MYO9A: variants seen among roughly 807,000 people sequenced by gnomAD.
The protein encoded by MYO9A is unconventional myosin-IXa.
Under a neutral mutation model 293.3 loss-of-function variants are expected in MYO9A, and 103 were observed. The ratio of observed to expected loss-of-function variants is 0.35; its 90% CI spans 0.30 to 0.41. The LOEUF (loss-of-function observed/expected upper bound fraction) is 0.41, where lower values mean the gene tolerates loss of function less well. MYO9A is among the 10% of genes least tolerant of loss of function. The pLI is 1.00. For synonymous variants in MYO9A, 1,001 were observed against 1,035.7 expected (o/e 0.97, Z 0.64); for missense variants, 2,685 against 3,033.0 (o/e 0.89, Z 2.69).
chr15:71,939,595 AC>A (rs1323064629), intron 15 of MYO9A, among the ~76,000 whole-genome samples: 1 of 152,202 alleles, frequency 6.6e-6, no homozygotes, highest in Non-Finnish European at 1.5e-5. Context: ...TTTTAGCCAT[AC>A]ATTTCTGACA....
intron 12 of MYO9A, among the ~76,000 whole-genome samples, chr15:71,977,458 A>T (rs1285516965): frequency 6.6e-6 from 1 of 152,128 alleles, no homozygotes; most frequent in Admixed American, 6.5e-5. Flanking sequence ...GCTGGTCTCG[A>T]ACTCCTGGCC....
intron 2 of MYO9A, among the ~76,000 whole-genome samples, chr15:72,039,376 AG>A (rs1457459106): frequency 1.3e-5 from 2 of 152,188 alleles, no homozygotes; most frequent in African/African-American, 4.8e-5. Flanking sequence ...ACAAACTTTA[AG>A]GAAAAAAATT....
In MYO9A at chr15:72,117,725, G is replaced by T. The variant is rs1357567623; in HGVS notation, c.-117C>A. The T allele has an allele frequency of 2.5e-6, 1 of 397,314 alleles. No individual in the cohort carries two copies. The highest frequency in any genetic ancestry group is 4.4e-6 in the Non-Finnish European group (1 of 225,114). The allele number at this position is 397,314 out of a possible 1,614,324, so 24.6% of individuals were successfully genotyped here. A position where few individuals can be genotyped will look rare whatever the true frequency, so the allele number is the denominator to read the frequency against. On this transcript the variant is annotated 5_prime_UTR_variant, in exon 1 of 42. Coordinates refer to ENST00000356056, the MANE Select transcript of MYO9A (RefSeq NM_006901.4). ...CCACCGCAGCCCCCTCCTCTTCGAC[G>T]GAAGCTGCCTTCCACCCTCCGCCCC...
chr15:71,835,676 A>G (rs139491917), intron 39 of MYO9A, among the ~76,000 whole-genome samples: 1,930 of 152,256 alleles, frequency 0.013, 56 homozygotes, highest in Admixed American at 0.057. Context: ...AAAAATCAGT[A>G]TCGTAAAAAT....
At chr15:71,860,969 CAAAAAAAAAAAAAAA>C (rs61030744) in intron 33 of MYO9A, among the ~76,000 whole-genome samples, 1 of 32,438 alleles carries the variant, frequency 3.1e-5, no homozygotes, top group Non-Finnish European at 5.9e-5. Context: ...TCCATCTCAC[CAAAAAAAAAAAAAAA>C]AAAAAAAAAA....
chr15:71,924,017 T>C (rs2058223531), intron 18 of MYO9A, among the ~76,000 whole-genome samples: 1 of 152,130 alleles, frequency 6.6e-6, no homozygotes, highest in Non-Finnish European at 1.5e-5. Flanking sequence ...GCTTTTGCTG[T>C]AGACCATAGG....
chr15:72,014,739 GAGAA>G (rs1566950313), intron 6 of MYO9A, among the ~76,000 whole-genome samples: 2 of 143,284 alleles, frequency 1.4e-5, no homozygotes, highest in African/African-American at 5.4e-5. Context: ...GAGAGAGAGA[GAGAA>G]AGAAAGGAAA....
rs1254753415 is a variant in MYO9A, at chr15:71,897,528, C to T, written c.4975G>A (p.Asp1659Asn). The part of the protein sequence containing the change: ...PTQSYSHNSD[D>N]LSREGNARPI... ...CTAGCATTTCCCTCTCTGGAAAGGT[C>T]ATCAGAATTGTGGCTGTAAGACTGA... Residue 1659 changes from aspartate to asparagine, a missense_variant, in exon 25 of 42, where the codon GAC (aspartate) becomes AAC (asparagine). Asp to Asn is a conservative substitution (Grantham distance 23). Coordinates refer to ENST00000356056, the MANE Select transcript of MYO9A (RefSeq NM_006901.4). The T allele has an allele frequency of 1.9e-6, 3 of 1,614,048 alleles. No homozygotes were observed. The highest frequency in any genetic ancestry group is 2.5e-6 in the Non-Finnish European group (3 of 1,179,946).
chr15:71,897,392 G>T, intron 25 of MYO9A, 69 bp downstream of exon 25: 1 of 1,473,038 alleles, frequency 6.8e-7, no homozygotes, highest in Non-Finnish European at 9.1e-7. Flanking sequence ...AGTTGGAGCA[G>T]AACAAGGCAC....
intron 20 of MYO9A, 36 bp from the exon 21 acceptor site, chr15:71,904,075 T>C (rs753313501): frequency 4.8e-6 from 7 of 1,467,206 alleles, no homozygotes; most frequent in East Asian, 2.3e-5. Context: ...CCCAGAACAG[T>C]AGATCTCCAA....
Position 71,880,507 on chromosome 15 carries a change from C to G in MYO9A, c.5450G>C (p.Ser1817Thr). 1.2e-6 allele frequency: 2 copies of G among 1,614,198 alleles called. No individual in the cohort carries two copies. The highest frequency in any genetic ancestry group is 2.7e-5 in the African/African-American group (2 of 75,066). The change falls in exon 29 of 42, where the codon AGT (serine) becomes ACT (threonine). Residue 1817 changes from serine (S) to threonine (T), a missense_variant. By Grantham distance (58) the Ser-to-Thr change is moderately conservative (BLOSUM62 1). This residue lies in a region of MYO9A where 1,434 missense variants were observed against 1,497.7 expected (regional missense o/e 0.96). Transcript: ENST00000356056. ...GTTCTCTTTGAATTCCTTCCGGCAA[C>G]TGCCGGGCAGTTCTGGGCTCAAAGG... ...TPPLSPELPG[S>T]CRKEFKENKE...
At chr15:71,953,915 G>C (rs377542959) in intron 14 of MYO9A, among the ~76,000 whole-genome samples, 1 of 103,098 alleles carries the variant, frequency 9.7e-6, no homozygotes, top group Non-Finnish European at 2.2e-5. Context: ...TTTGTTTTTT[G>C]AGAGGGAGTC....
chr15:71,981,583 C>A lies in MYO9A; in HGVS notation c.1723-3291G>T, dbSNP rs925662627. Among the ~76,000 whole-genome samples the A allele has an allele frequency of 3.2e-4, 48 of 151,796 alleles. 1 individual carries two copies. The highest frequency in any genetic ancestry group is 5.0e-4 in the Non-Finnish European group (34 of 67,922). ...TCTATCTTTTTAATATGTGTAGGAT[C>A]CAGAGTAATACCCTCTATCACTGGG... is the stretch of plus-strand genomic sequence containing the variant. On this transcript the variant is annotated intron_variant, in intron 11 of 41. Coordinates refer to ENST00000356056, the MANE Select transcript of MYO9A (RefSeq NM_006901.4).
rs28542557 is a variant in MYO9A at position 72,091,765 on chromosome 15, G to C, written c.-72+25915C>G. 5.7e-3 allele frequency among the ~76,000 whole-genome samples: 847 copies of C among 149,714 alleles called. 11 individuals are homozygous for C. Among genetic ancestry groups the C allele is most frequent in the African/African-American group, 0.02 (801 of 40,606 alleles). ...GTTTCACTCTCTTGCCCAGGATGGAGTGCAGTGGCGCGATCTCGGCTCACT... is the reference window on the plus strand; with the variant it reads ...GTTTCACTCTCTTGCCCAGGATGGACTGCAGTGGCGCGATCTCGGCTCACT... On this transcript the variant is annotated intron_variant, in intron 1 of 41. Coordinates refer to ENST00000356056, the MANE Select transcript of MYO9A (RefSeq NM_006901.4).
intron 34 of MYO9A, among the ~76,000 whole-genome samples, chr15:71,855,330 T>G (rs2055822956): frequency 6.6e-6 from 1 of 152,086 alleles, no homozygotes; most frequent in Non-Finnish European, 1.5e-5. Flanking sequence ...GAGACGGAGT[T>G]TCATCATGTT....
At chr15:71,876,997 A>G (rs1030763097) in intron 31 of MYO9A, among the ~76,000 whole-genome samples, 1 of 152,208 alleles carries the variant, frequency 6.6e-6, no homozygotes, top group Non-Finnish European at 1.5e-5. Context: ...GAACTTATTT[A>G]TATCTGAAAA....
At chr15:71,908,598 C>T (rs753295728) in intron 19 of MYO9A, among the ~76,000 whole-genome samples, 2 of 152,188 alleles carry the variant, frequency 1.3e-5, no homozygotes, top group Non-Finnish European at 2.9e-5. Flanking sequence ...CCTCCTCTTA[C>T]TCCCTGTCTG....
chr15:71,851,278 C>T lies in MYO9A; in HGVS notation c.6556G>A (p.Glu2186Lys), dbSNP rs1207125404. 6.2e-7 allele frequency: 1 copy of T among 1,613,698 alleles called. No individual in the cohort carries two copies. Among genetic ancestry groups the T allele is most frequent in the Non-Finnish European group, 8.5e-7 (1 of 1,179,782 alleles). The change falls in exon 37 of 42, where the codon GAA becomes AAA. Residue 2186 changes from glutamate (E) to lysine (K), a missense_variant. Glu to Lys is a moderately conservative substitution (Grantham distance 56, BLOSUM62 1). This residue lies in a region of MYO9A where 238 missense variants were observed against 269.1 expected (regional missense o/e 0.88). Coordinates refer to ENST00000356056, the MANE Select transcript of MYO9A (RefSeq NM_006901.4). ...CTGACTAGATGAAAGATGAGGCGTT[C>T]CAGTGTATTGAGATGAGTTCGGGAG... ...QLSRTHLNTLERLIFHLVRIA... is the reference protein window; with the variant it reads ...QLSRTHLNTLKRLIFHLVRIA...
chr15:71,894,296 G>C (rs533698630), intron 25 of MYO9A, among the ~76,000 whole-genome samples: 1 of 152,288 alleles, frequency 6.6e-6, no homozygotes, highest in East Asian at 1.9e-4. Flanking sequence ...TGACGTTGAG[G>C]CTGGGTGCAG....
Sources: gnomAD v4.1 joint callset for allele counts (sites outside exome capture counted in the v4.1 genomes callset) on GRCh38, gnomAD v4.1.1 for gene constraint, gnomAD v4.1.1 regional missense constraint, MANE v1.5 for transcripts, NCBI Gene and HGNC (gene_info 2026-07-23, HGNC 2026-07-21) for gene names.